Variants in TP73 observed in about 807,000 individuals in gnomAD.
The protein encoded by TP73 is p53-like transcription factor.
Under a neutral mutation model 62.5 loss-of-function variants are expected in TP73, and 25 were observed. That is an observed-to-expected ratio of 0.40 (90% CI 0.29 to 0.56). TP73 has a LOEUF of 0.56. TP73 is among the 20% of genes least tolerant of loss of function. The probability of loss-of-function intolerance (pLI) is 0.46; values close to 1 mark genes in which losing one functional copy is unlikely to be tolerated. For missense variants in TP73, 754 were observed against 913.3 expected (o/e 0.83, Z 2.25); for synonymous variants, 423 against 377.5 (o/e 1.12, Z -1.40).
intron 13 of TP73, among the ~76,000 whole-genome samples, chr1:3,732,275 CAG>C (rs1423668697): frequency 6.6e-6 from 1 of 152,230 alleles, no homozygotes; most frequent in Non-Finnish European, 1.5e-5. Flanking sequence ...GTCCCTCGTG[CAG>C]AGAGTGGCCG....
chr1:3,655,015 T>C lies in TP73; in HGVS notation c.-34+2374T>C, dbSNP rs558803013. On this transcript the variant is annotated intron_variant, in intron 1 of 13. Coordinates refer to ENST00000378295, the MANE Select transcript of TP73 (RefSeq NM_005427.4). ...CCTTGCCCAGCGGCGGTATTAACCCTGAGATTCCGAGCACACCAAAGTGAC... is the reference window on the plus strand; with the variant it reads ...CCTTGCCCAGCGGCGGTATTAACCCCGAGATTCCGAGCACACCAAAGTGAC... Among the ~76,000 whole-genome samples the C allele has an allele frequency of 3.3e-3, 501 of 152,320 alleles. 6 individuals are homozygous for C. Among genetic ancestry groups the C allele is most frequent in the African/African-American group, 0.011 (473 of 41,568 alleles).
chr1:3,670,343 AG>A lies in TP73; in HGVS notation c.-33-11988del, dbSNP rs143675186. Among the ~76,000 whole-genome samples the A allele has an allele frequency of 3.1e-3, 465 of 152,232 alleles. 1 individual carries two copies. The highest frequency in any genetic ancestry group is 0.01 in the African/African-American group (429 of 41,520). ...CTCAAGACTCAAGAGCCCCATGTCC[AG>A]GTGGGGATGTACAGGAGCCCCTTAG... On this transcript the variant is annotated intron_variant, in intron 1 of 13. Transcript: ENST00000378295. This position sits in a 1 kb window ranked among gnomAD's most constrained non-coding sequence, Gnocchi z 5.9.
At chr1:3,684,724 C>G (rs1440396006) in intron 3 of TP73, among the ~76,000 whole-genome samples, 1 of 152,132 alleles carries the variant, frequency 6.6e-6, no homozygotes, top group Non-Finnish European at 1.5e-5. Flanking sequence ...GCCCCTCAGC[C>G]TGTATCTGAG....
chr1:3,707,469 T>C, intron 3 of TP73, 80 bp from the exon 4 acceptor site: 3 of 1,537,948 alleles, frequency 2.0e-6, no homozygotes, highest in South Asian at 1.3e-5. Flanking sequence ...TTAAGGCTCC[T>C]GTAACAGGAC....
chr1:3,671,459 G>T (rs1014169807), intron 1 of TP73, among the ~76,000 whole-genome samples: 3 of 152,230 alleles, frequency 2.0e-5, no homozygotes, highest in African/African-American at 7.2e-5. Flanking sequence ...CCTGCCCAGG[G>T]CCTAGGCAGC....
chr1:3,666,422 G>T lies in TP73; in HGVS notation c.-34+13781G>T, dbSNP rs1645115326. ...GCAGAGTAAGCTGTGTGTTGGTGGGGTGTAATTATGGGTCATATTGACAGT... is the reference window on the plus strand; with the variant it reads ...GCAGAGTAAGCTGTGTGTTGGTGGGTTGTAATTATGGGTCATATTGACAGT... On this transcript the variant is annotated intron_variant, in intron 1 of 13. Transcript: ENST00000378295. The surrounding 1 kb of genome is among the most constrained non-coding windows in gnomAD (Gnocchi z 6.4). Among the ~76,000 whole-genome samples the T allele has an allele frequency of 6.6e-6, 1 of 152,198 alleles. No homozygotes were observed. The highest frequency in any genetic ancestry group is 6.5e-5 in the Admixed American group (1 of 15,278).
chr1:3,680,766 G>T (rs946448150), intron 1 of TP73, among the ~76,000 whole-genome samples: 2 of 152,328 alleles, frequency 1.3e-5, no homozygotes, highest in Non-Finnish European at 1.5e-5. Flanking sequence ...TTAAATTAAC[G>T]GAATGGTGCG....
intron 3 of TP73, among the ~76,000 whole-genome samples, chr1:3,689,992 C>T (rs532433769): frequency 2.0e-5 from 3 of 152,318 alleles, no homozygotes; most frequent in South Asian, 4.1e-4. Flanking sequence ...TAGACGGGTG[C>T]GGGGCACCAC....
intron 6 of TP73, among the ~76,000 whole-genome samples, chr1:3,724,722 A>C (rs1191844905): frequency 6.6e-6 from 1 of 152,202 alleles, no homozygotes; most frequent in Admixed American, 6.5e-5. Flanking sequence ...TCATTGATCA[A>C]CGGTTTTGGT....
rs1034445896 is a variant in TP73 at position 3,696,978 on chromosome 1, C to T, written c.187-10571C>T. Among the ~76,000 whole-genome samples, 1 of 152,198 alleles carries T rather than the reference C, an allele frequency of 6.6e-6. No individual in the cohort carries two copies. Among genetic ancestry groups the T allele is most frequent in the African/African-American group, 2.4e-5 (1 of 41,454 alleles). ...CCCCCCAGTCACCAGCCTAATAGGA[C>T]CTCAACTTGCTAAACCCAAACTAAA... On this transcript the variant is annotated intron_variant, in intron 3 of 13. Coordinates refer to ENST00000378295, the MANE Select transcript of TP73 (RefSeq NM_005427.4). The surrounding 1 kb of genome is among the most constrained non-coding windows in gnomAD (Gnocchi z 4.1).
intron 3 of TP73, among the ~76,000 whole-genome samples, chr1:3,687,408 G>A (rs1376584626): frequency 1.3e-5 from 2 of 152,214 alleles, no homozygotes; most frequent in East Asian, 1.9e-4. Context: ...TCCCTCGTAG[G>A]CTCGCAGGCT....
At chr1:3,695,703 A>G (rs1401657429) in intron 3 of TP73, among the ~76,000 whole-genome samples, 1 of 152,238 alleles carries the variant, frequency 6.6e-6, no homozygotes, top group Non-Finnish European at 1.5e-5. Context: ...TGCAGTTACT[A>G]GGCACCTACT....
chr1:3,686,228 G>A (rs1447456966), intron 3 of TP73, among the ~76,000 whole-genome samples: 1 of 152,256 alleles, frequency 6.6e-6, no homozygotes, highest in Non-Finnish European at 1.5e-5. Flanking sequence ...CTGCAGTGGG[G>A]CGTGCCTTCC....
chr1:3,657,119 A>G (rs754670666), intron 1 of TP73, among the ~76,000 whole-genome samples: 4 of 152,242 alleles, frequency 2.6e-5, no homozygotes, highest in Non-Finnish European at 5.9e-5. Context: ...AAGTTTTCTC[A>G]GGCTGCTGTT....
At chr1:3,695,772 C>T (rs907379271) in intron 3 of TP73, among the ~76,000 whole-genome samples, 4 of 152,236 alleles carry the variant, frequency 2.6e-5, no homozygotes, top group Non-Finnish European at 4.4e-5. Context: ...GGAGGGCCCC[C>T]GGCTGCAGTG....
At chr1:3,679,120 G>A (rs775245972) in intron 1 of TP73, among the ~76,000 whole-genome samples, 7 of 152,250 alleles carry the variant, frequency 4.6e-5, no homozygotes, top group African/African-American at 7.2e-5. Context: ...AGGGGATGTG[G>A]AAGCTGGGTC....
At position 3,727,716 on chromosome 1, in the gene TP73, G is replaced by A. The variant is rs1401390950; in HGVS notation, c.931G>A (p.Glu311Lys). ...AAAAGCTGATGAGGACCACTACCGG[G>A]AGCAGCAGGCCCTGAACGAGAGCTC... ...DRKADEDHYR[E>K]QQALNESSAK... is the part of the protein sequence containing the mutation. The change falls in exon 8 of 14, where the codon GAG becomes AAG. Residue 311 changes from glutamate (E) to lysine (K), a missense_variant. This residue lies in a region of TP73 where 458 missense variants were observed against 528.7 expected (regional missense o/e 0.87). Transcript: ENST00000378295. The A allele has an allele frequency of 1.9e-6, 3 of 1,571,580 alleles. No individual in the cohort carries two copies. Among genetic ancestry groups the A allele is most frequent in the Non-Finnish European group, 2.6e-6 (3 of 1,160,266 alleles).
chr1:3,677,523 C>T (rs2102068062), intron 1 of TP73, among the ~76,000 whole-genome samples: 1 of 152,226 alleles, frequency 6.6e-6, no homozygotes, highest in African/African-American at 2.4e-5. Context: ...CAACTCTGTG[C>T]CCTGACTTGA....
intron 3 of TP73, among the ~76,000 whole-genome samples, chr1:3,695,393 T>C (rs1638543803): frequency 6.6e-6 from 1 of 152,196 alleles, no homozygotes; most frequent in South Asian, 2.1e-4. Flanking sequence ...CTAGCTCTCC[T>C]GCGCCCTCTC....
Sources: allele counts gnomAD v4.1 joint callset (sites outside exome capture counted in the v4.1 genomes callset), GRCh38; gene constraint gnomAD v4.1.1; regional missense constraint gnomAD v4.1.1; non-coding constraint Gnocchi (gnomAD v3.1); transcripts MANE v1.5; gene names NCBI Gene and HGNC (gene_info 2026-07-23, HGNC 2026-07-21).